The following VRK2 variants were observed in gnomAD, a reference collection of about 807,000 sequenced individuals.
The protein encoded by VRK2 is serine/threonine-protein kinase VRK2.
A neutral mutation model predicts 57.6 loss-of-function variants in VRK2; 60 were observed. The ratio of observed to expected loss-of-function variants is 1.04; its 90% CI spans 0.85 to 1.29. The LOEUF is 1.29. VRK2 is among the 50% of genes most tolerant of loss of function. VRK2 has a pLI of 0.00. For missense variants in VRK2, 705 were observed against 588.1 expected, an observed-to-expected ratio of 1.20 and a Z score of -2.06; for synonymous variants, 231 against 199.2, an observed-to-expected ratio of 1.16 and a Z score of -1.35.
At chr2:58,140,696 G>A (rs576783404) in intron 11 of VRK2, among the ~76,000 whole-genome samples, 7 of 152,102 alleles carry the variant, frequency 4.6e-5, no homozygotes, top group Non-Finnish European at 8.8e-5. Flanking sequence ...TGCACAGATG[G>A]TTCTGATTTG....
intron 1 of VRK2, among the ~76,000 whole-genome samples, chr2:57,940,553 A>G (rs1022525543): frequency 1.1e-5 from 1 of 89,936 alleles, no homozygotes; most frequent in African/African-American, 5.0e-5. Context: ...ACCATCATAC[A>G]GTCTATTTAG....
chr2:57,946,812 A>G (rs6545675), intron 1 of VRK2, among the ~76,000 whole-genome samples: 53,637 of 151,938 alleles, frequency 0.35, 12,975 homozygotes, highest in African/African-American at 0.7. Flanking sequence ...TCATGATATC[A>G]AAGGCGAGAT....
intron 1 of VRK2, among the ~76,000 whole-genome samples, chr2:57,998,742 G>C (rs1672999942): frequency 6.6e-6 from 1 of 152,136 alleles, no homozygotes; most frequent in Non-Finnish European, 1.5e-5. Context: ...ATTACATGTT[G>C]TATTTTGAGG....
intron 12 of VRK2, among the ~76,000 whole-genome samples, chr2:58,153,777 A>T (rs949836141): frequency 1.3e-5 from 2 of 152,048 alleles, no homozygotes; most frequent in African/African-American, 4.8e-5. Flanking sequence ...AAATGTATAG[A>T]ATTGATCCTG....
At chr2:58,055,720 T>C (rs1043149812) in intron 2 of VRK2, among the ~76,000 whole-genome samples, 5 of 152,186 alleles carry the variant, frequency 3.3e-5, no homozygotes, top group Non-Finnish European at 7.3e-5. Flanking sequence ...GGCAGCTCTT[T>C]TCACTATGAG....
intron 1 of VRK2, among the ~76,000 whole-genome samples, chr2:57,965,639 T>A (rs562052568): frequency 6.6e-6 from 1 of 152,322 alleles, no homozygotes; most frequent in East Asian, 1.9e-4. Flanking sequence ...AGAAAGGGTA[T>A]CTCTCATTAA....
At chr2:58,046,903 C>T (rs1572831617) in intron 1 of VRK2, 35 bp downstream of exon 1, 7 of 985,386 alleles carry the variant, frequency 7.1e-6, no homozygotes, top group Non-Finnish European at 7.2e-6. Context: ...GGGTGGCGGG[C>T]GGCACCTCCG....
At chr2:57,976,460 T>C (rs1672254710) in intron 1 of VRK2, among the ~76,000 whole-genome samples, 1 of 152,006 alleles carries the variant, frequency 6.6e-6, no homozygotes, top group Admixed American at 6.6e-5. Context: ...TAATAGCCAT[T>C]CTGCAGGTCA....
intron 1 of VRK2, among the ~76,000 whole-genome samples, chr2:58,003,714 C>A (rs1310702903): frequency 1.3e-5 from 2 of 152,110 alleles, no homozygotes; most frequent in Admixed American, 6.5e-5. Flanking sequence ...CTACAACCTT[C>A]TTTTCTTCTC....
At chr2:58,137,074 TATAA>T (rs1680302155) in intron 10 of VRK2, among the ~76,000 whole-genome samples, 2 of 112,322 alleles carry the variant, frequency 1.8e-5, no homozygotes, top group African/African-American at 7.3e-5. Context: ...ATATATCATA[TATAA>T]CATATATATG....
intron 1 of VRK2, among the ~76,000 whole-genome samples, chr2:58,013,753 G>A (rs557903984): frequency 1.5e-3 from 224 of 151,064 alleles, no homozygotes; most frequent in Non-Finnish European, 1.9e-3. Context: ...CAGCTACTCG[G>A]GAGGCTGAGG....
Position 58,089,645 on chromosome 2 carries a change from A to G in VRK2, c.465A>G (p.Glu155=). ...TATTTTCACAGTTGGATGTACTGGA[A>G]TATATACATGAAAATGAATATGTTC... The part of the protein sequence containing the change: ...QLGIRMLDVL[E]YIHENEYVHG... Residue 155 remains glutamate (E), a synonymous_variant, in exon 7 of 13, where the codon GAA becomes GAG. Coordinates refer to ENST00000340157, the MANE Select transcript of VRK2 (RefSeq NM_006296.7). 1.2e-6 allele frequency: 2 copies of G among 1,600,254 alleles called. No individual in the cohort carries two copies. Among genetic ancestry groups the G allele is most frequent in the Non-Finnish European group, 1.7e-6 (2 of 1,171,656 alleles).
At chr2:57,978,752 T>C (rs554294673) in intron 1 of VRK2, among the ~76,000 whole-genome samples, 4 of 150,268 alleles carry the variant, frequency 2.7e-5, no homozygotes, top group Non-Finnish European at 2.9e-5. Flanking sequence ...TATACATGTG[T>C]CATGGTGGTT....
At chr2:57,911,038 C>CTT (rs200652554) in intron 1 of VRK2, among the ~76,000 whole-genome samples, 2 of 142,098 alleles carry the variant, frequency 1.4e-5, no homozygotes, top group Non-Finnish European at 3.1e-5. Context: ...TTTTTTGGGT[C>CTT]TTTTTTTTTT....
chr2:58,116,459 G>A lies in VRK2; in HGVS notation c.544-6642G>A, dbSNP rs535664861. On this transcript the variant is annotated intron_variant, in intron 7 of 12. Transcript: ENST00000340157. ...GCTTAAAAGAGTATTGTCTAAGTTG[G>A]CACCAGAGTTGGGGAGTTTTAAGAG... Among the ~76,000 whole-genome samples, 7 of 152,168 alleles carry A rather than the reference G, an allele frequency of 4.6e-5. No homozygotes were observed. The East Asian group carries it at 9.6e-4, about 21-fold the overall frequency.
rs559107047 is a variant in VRK2 at position 58,066,792 on chromosome 2, G to A, written c.137-17297G>A. On this transcript the variant is annotated intron_variant, in intron 2 of 12. Transcript: ENST00000340157. ...AGGACTAATCTGGTTATTTGTTTTA[G>A]GTAACTTAGTAGTTCATGGTTTTTA... Among the ~76,000 whole-genome samples the A allele has an allele frequency of 2.8e-3, 433 of 152,216 alleles. 7 individuals carry two copies. The highest frequency in any genetic ancestry group is 9.9e-3 in the African/African-American group (413 of 41,552).
At position 58,116,870 on chromosome 2, in the gene VRK2, T is replaced by TTAC. The variant is rs549406126; in HGVS notation, c.544-6230_544-6229insACT. Among the ~76,000 whole-genome samples the TTAC allele has an allele frequency of 3.6e-4, 55 of 152,304 alleles. No individual in the cohort carries two copies. The East Asian group carries it at 9.7e-3, about 27-fold the overall frequency. On this transcript the variant is annotated intron_variant, in intron 7 of 12. Coordinates refer to ENST00000340157, the MANE Select transcript of VRK2 (RefSeq NM_006296.7). ...GGCCTGGTGGCCAGATTTCTGGCAC[T>TTAC]TGTAGCAAGCTCCTGGGGGAGGAGG...
At chr2:58,096,361 A>T (rs893084151) in intron 7 of VRK2, among the ~76,000 whole-genome samples, 1 of 152,070 alleles carries the variant, frequency 6.6e-6, no homozygotes, top group Non-Finnish European at 1.5e-5. Flanking sequence ...CTGGTCTTTG[A>T]ATGTGAAACT....
At chr2:57,935,636 G>A (rs1238476354) in intron 1 of VRK2, among the ~76,000 whole-genome samples, 2 of 152,056 alleles carry the variant, frequency 1.3e-5, no homozygotes, top group African/African-American at 4.8e-5. Context: ...GGTTAGTAGG[G>A]TCTGTGACCT....
Sources: gnomAD v4.1 joint callset for allele counts (sites outside exome capture counted in the v4.1 genomes callset) on GRCh38, gnomAD v4.1.1 for gene constraint, MANE v1.5 for transcripts, NCBI Gene and HGNC (gene_info 2026-07-23, HGNC 2026-07-21) for gene names.